The following PRB4 variants were observed in gnomAD, a reference collection of about 807,000 sequenced individuals.
PRB4 encodes proline rich protein BstNI subfamily 4.
A neutral mutation model predicts 9.1 loss-of-function variants in PRB4; 14 were observed. The ratio of observed to expected loss-of-function variants is 1.54; its 90% CI spans 1.02 to 2.41. The LOEUF is 2.41. Ranked by LOEUF, PRB4 falls within the 30% of genes most tolerant of loss-of-function variation. PRB4 has a pLI of 0.00. For missense variants in PRB4, 381 were observed against 299.3 expected (o/e 1.27, Z -2.02); for synonymous variants, 102 against 108.5 (o/e 0.94, Z 0.37).
intron 1 of PRB4, among the ~76,000 whole-genome samples, 164 bp from the exon 2 acceptor site, chr12:11,309,569 A>G (rs1364887038): frequency 6.6e-5 from 10 of 152,144 alleles, no homozygotes; most frequent in South Asian, 4.1e-4. Flanking sequence ...AAGGTGTAAG[A>G]GGAGGCAGGG....
chr12:11,308,140 G>C, intron 3 of PRB4, 81 bp downstream of exon 3: 1 of 1,478,056 alleles, frequency 6.8e-7, no homozygotes. Flanking sequence ...ATGTCAATGG[G>C]TTTTAGTTGA....
chr12:11,309,099 A>G (rs1862994702), intron 2 of PRB4, among the ~76,000 whole-genome samples: 1 of 152,076 alleles, frequency 6.6e-6, no homozygotes, highest in African/African-American at 2.4e-5. Flanking sequence ...GACACTGGCC[A>G]TTTGTCTGTC....
Position 11,310,355 on chromosome 12 carries a change from G to C in PRB4, c.44C>G (p.Ser15Ter), listed in dbSNP as rs1214361410. 1 of 1,614,178 alleles carries C rather than the reference G, an allele frequency of 6.2e-7. No homozygotes were observed. The highest frequency in any genetic ancestry group is 1.7e-5 in the Admixed American group (1 of 60,016). ...TTTACCTTCACTTGAACTCTCAGCT[G>C]AGCTCAGGGCCAGCAGGGCCACTGA... Reference protein sequence around the residue: ...LLSVALLALSSAESSSEDVSQ... With the variant: ...LLSVALLALS The change falls in exon 1 of 4, where the codon TCA (serine) becomes TGA (stop). Residue 15 changes from serine (S) to a stop codon, truncating the protein, a stop_gained. Coordinates refer to ENST00000279575, the MANE Select transcript of PRB4 (RefSeq NM_002723.6). LOFTEE classifies it high-confidence loss of function.
At position 11,308,829 on chromosome 12, in the gene PRB4, G is replaced by T. The variant is rs766297108; in HGVS notation, c.154C>A (p.Pro52Thr). ...QGGNQPQRPP[P>T]PPGKPQGPPP... The stretch of plus-strand genomic sequence containing the variant: ...GGTCCTTGTGGCTTTCCTGGAGGAG[G>T]TGGGGGACGTTGGGGCTGGTTTCCT... Residue 52 changes from proline (P) to threonine (T), a missense_variant, in exon 3 of 4, where the codon CCT (proline) becomes ACT (threonine). Pro to Thr is a conservative substitution (Grantham distance 38). Around this residue, in one of 3 missense-constraint regions of PRB4, gnomAD observed 151 missense variants for 105.8 expected, o/e 1.43. Coordinates refer to ENST00000279575, the MANE Select transcript of PRB4 (RefSeq NM_002723.6). The T allele has an allele frequency of 3.8e-6, 6 of 1,592,718 alleles. No individual in the cohort carries two copies. Among genetic ancestry groups the T allele is most frequent in the Non-Finnish European group, 5.1e-6 (6 of 1,167,102 alleles).
Position 11,308,455 on chromosome 12 carries a change from G to T in PRB4, c.528C>A (p.Ala176=). 1 of 1,613,782 alleles carries T rather than the reference G, an allele frequency of 6.2e-7. No homozygotes were observed. Among genetic ancestry groups the T allele is most frequent in the Non-Finnish European group, 8.5e-7 (1 of 1,179,924 alleles). The change falls in exon 3 of 4, where the codon GCC becomes GCA. Residue 176 remains alanine, a synonymous_variant. Transcript: ENST00000279575. ...PPQEGNKSRS[A]RSPPGKPQGP... ...CTTGTGGCTTTCCTGGAGGAGATCG[G>T]GCACTTCGGGACTTGTTTCCTTCCT...
At chr12:11,309,603 A>C (rs375972924) in intron 1 of PRB4, among the ~76,000 whole-genome samples, 198 bp from the exon 2 acceptor site, 70 of 152,286 alleles carry the variant, frequency 4.6e-4, no homozygotes, top group South Asian at 1.2e-3. Context: ...GAGCAACAGC[A>C]ATGAGTTCAA....
rs1352868463 is a variant in PRB4, at chr12:11,308,498, G to A, written c.485C>T (p.Pro162Leu). ...TCCTTCCTGTGGGGGTGGTCCTTCTGGCTTTCCTGGATGAGGTGGGGGACC... is the reference window on the plus strand; with the variant it reads ...TCCTTCCTGTGGGGGTGGTCCTTCTAGCTTTCCTGGATGAGGTGGGGGACC... Reference protein sequence around the residue: ...SQGPPPHPGKPEGPPPQEGNK... With the variant: ...SQGPPPHPGKLEGPPPQEGNK... The change falls in exon 3 of 4, where the codon CCA (proline) becomes CTA (leucine). Residue 162 changes from proline to leucine, a missense_variant. This residue lies in a region of PRB4 where 204 missense variants were observed against 134.4 expected (regional missense o/e 1.52). Transcript: ENST00000279575. The A allele has an allele frequency of 1.9e-6, 3 of 1,612,942 alleles. No homozygotes were observed. In the Admixed American group the frequency reaches 5.0e-5, roughly 27 times the overall value.
chr12:11,310,353 C>A lies in PRB4; in HGVS notation c.46G>T (p.Ala16Ser), dbSNP rs1337284442. ...LSVALLALSS[A>S]ESSSEDVSQE... ...GTTTTACCTTCACTTGAACTCTCAGCTGAGCTCAGGGCCAGCAGGGCCACT... is the reference window on the plus strand; with the variant it reads ...GTTTTACCTTCACTTGAACTCTCAGATGAGCTCAGGGCCAGCAGGGCCACT... Residue 16 changes from alanine (A) to serine (S), a missense_variant, in exon 1 of 4, where the codon GCT (alanine) becomes TCT (serine). By Grantham distance (99) the Ala-to-Ser change is moderately conservative (BLOSUM62 1). Around this residue, in one of 3 missense-constraint regions of PRB4, gnomAD observed 151 missense variants for 105.8 expected, o/e 1.43. Coordinates refer to ENST00000279575, the MANE Select transcript of PRB4 (RefSeq NM_002723.6). 3.7e-6 allele frequency: 6 copies of A among 1,614,232 alleles called. No homozygotes were observed. Among genetic ancestry groups the A allele is most frequent in the South Asian group, 2.2e-5 (2 of 91,082 alleles).
Position 11,309,382 on chromosome 12 carries a change from A to G in PRB4, c.88T>C (p.Phe30Leu). Reference protein sequence around the residue: ...SEDVSQEESLFLISGKPEGRR... With the variant: ...SEDVSQEESLLLISGKPEGRR... ...AATTGGGATTTACCTGATATTAGGA[A>G]GAGAGATTCTTCCTGGCTGACATCT... Residue 30 changes from phenylalanine to leucine, a missense_variant, in exon 2 of 4, where the codon TTC becomes CTC. Physicochemically the swap from Phe to Leu is conservative, Grantham distance 22. Around this residue, in one of 3 missense-constraint regions of PRB4, gnomAD observed 151 missense variants for 105.8 expected, o/e 1.43. Coordinates refer to ENST00000279575, the MANE Select transcript of PRB4 (RefSeq NM_002723.6). 2 of 1,614,156 alleles carry G rather than the reference A, an allele frequency of 1.2e-6. No individual in the cohort carries two copies. The highest frequency in any genetic ancestry group is 1.7e-6 in the Non-Finnish European group (2 of 1,179,996).
intron 2 of PRB4, 22 bp from the exon 3 acceptor site, chr12:11,308,904 C>T (rs752387338): frequency 1.4e-5 from 22 of 1,613,718 alleles, no homozygotes; most frequent in African/African-American, 9.3e-5. Context: ...GGGGGACATA[C>T]GGCATTCACT....
intron 1 of PRB4, among the ~76,000 whole-genome samples, chr12:11,309,871 G>C (rs537301761): frequency 1.3e-5 from 2 of 152,118 alleles, no homozygotes; most frequent in Non-Finnish European, 2.9e-5. Context: ...GATTGGCTCT[G>C]ATATTTCTAC....
At chr12:11,307,818 G>A (rs1279931114) in intron 3 of PRB4, among the ~76,000 whole-genome samples, 1 of 152,196 alleles carries the variant, frequency 6.6e-6, no homozygotes, top group African/African-American at 2.4e-5. Context: ...ACGCCATTTA[G>A]CTGCTGAAAG....
Position 11,308,283 on chromosome 12 carries a change from C to A in PRB4, c.700G>T (p.Gly234Cys), listed in dbSNP as rs146162362. 21 of 1,608,194 alleles carry A rather than the reference C, an allele frequency of 1.3e-5. No homozygotes were observed. Among genetic ancestry groups the A allele is most frequent in the South Asian group, 1.2e-4 (11 of 90,046 alleles). The change falls in exon 3 of 4, where the codon GGC (glycine) becomes TGC (cysteine). Residue 234 changes from glycine to cysteine, a missense_variant. By Grantham distance (159) the Gly-to-Cys change is radical. Transcript: ENST00000279575. ...CCCTGGGCAGGTCTGGGTGGCCTGC[C>A]CCCTTGAGGAGGTGGAGGTGGCCCC... is the stretch of plus-strand genomic sequence containing the variant. Reference protein sequence around the residue: ...PQGPPPPPQGGRPPRPAQGQQ... With the variant: ...PQGPPPPPQGCRPPRPAQGQQ...
chr12:11,308,305 C>T lies in PRB4; in HGVS notation c.678G>A (p.Gly226=). Residue 226 remains glycine (G), a synonymous_variant, in exon 3 of 4, where the codon GGG becomes GGA. Transcript: ENST00000279575. Reference sequence around the variant, plus strand: ...TGCCCCCTTGAGGAGGTGGAGGTGGCCCCTGGGGCTTTCCAGCAGGAGGTG... The same window carrying T: ...TGCCCCCTTGAGGAGGTGGAGGTGGTCCCTGGGGCTTTCCAGCAGGAGGTG... ...PQAPPAGKPQ[G]PPPPPQGGRP... 2 of 1,609,590 alleles carry T rather than the reference C, an allele frequency of 1.2e-6. No homozygotes were observed. The highest frequency in any genetic ancestry group is 1.7e-6 in the Non-Finnish European group (2 of 1,177,754).
chr12:11,310,058 G>C (rs1405756768), intron 1 of PRB4, among the ~76,000 whole-genome samples: 1 of 152,138 alleles, frequency 6.6e-6, no homozygotes, highest in Admixed American at 6.5e-5. Flanking sequence ...AATCTGCCTT[G>C]CACTCTCCAC....
Position 11,307,206 on chromosome 12 carries a change from TAAAC to T in PRB4, c.*19-11_*19-8del, listed in dbSNP as rs1163488337. The T allele has an allele frequency of 6.5e-6, 1 of 152,816 alleles. No individual in the cohort carries two copies. The highest frequency in any genetic ancestry group is 2.4e-5 in the African/African-American group (1 of 41,474). The allele number at this position is 152,816 out of a possible 1,614,324, so 9.5% of individuals were successfully genotyped here. A position where few individuals can be genotyped will look rare whatever the true frequency, so the allele number is the denominator to read the frequency against. Reference sequence around the variant, plus strand: ...ATATCTTCTTATTCACTTCCTGAAATAAACAAACAAGCAAGTTCATAGATTCACT... The same window carrying T: ...ATATCTTCTTATTCACTTCCTGAAATAAACAAGCAAGTTCATAGATTCACT... On this transcript the variant is annotated splice_polypyrimidine_tract_variant and splice_region_variant and intron_variant, in intron 3 of 3. Coordinates refer to ENST00000279575, the MANE Select transcript of PRB4 (RefSeq NM_002723.6).
rs1863020673 is a variant in PRB4 at position 11,310,239 on chromosome 12, C to G, written c.64+96G>C. ...TCCTAGGCATGAAAACTCTGCAGCCCCATCTGTGTTTTCATTCTCCTCTCT... is the reference window on the plus strand; with the variant it reads ...TCCTAGGCATGAAAACTCTGCAGCCGCATCTGTGTTTTCATTCTCCTCTCT... On this transcript the variant is annotated intron_variant, in intron 1 of 3. Transcript: ENST00000279575. The G allele has an allele frequency of 2.7e-6, 4 of 1,484,882 alleles. 1 individual carries two copies. The highest frequency in any genetic ancestry group is 2.3e-5 in the South Asian group (2 of 88,580). 92.0% of individuals were successfully genotyped at this position (1,484,882 alleles called of 1,614,324 possible). A position where few individuals can be genotyped will look rare whatever the true frequency, so the allele number is the denominator to read the frequency against.
intron 2 of PRB4, among the ~76,000 whole-genome samples, 173 bp downstream of exon 2, chr12:11,309,197 G>T (rs1862996544): frequency 1.3e-5 from 2 of 152,104 alleles, no homozygotes; most frequent in Admixed American, 1.3e-4. Flanking sequence ...CCATTTGGTG[G>T]CCTGCTCATG....
At chr12:11,309,712 C>T (rs887125594) in intron 1 of PRB4, among the ~76,000 whole-genome samples, 3 of 152,146 alleles carry the variant, frequency 2.0e-5, no homozygotes, top group African/African-American at 7.2e-5. Context: ...TTTTGGTGTT[C>T]TTATGCCCTC....
Sources: gnomAD v4.1 joint callset for allele counts (sites outside exome capture counted in the v4.1 genomes callset) on GRCh38, gnomAD v4.1.1 for gene constraint, gnomAD v4.1.1 regional missense constraint, MANE v1.5 for transcripts, NCBI Gene and HGNC (gene_info 2026-07-23, HGNC 2026-07-21) for gene names.